Variants in ANKFN1 observed in about 807,000 individuals in gnomAD.
The protein encoded by ANKFN1 is ankyrin repeat and fibronectin type III domain containing 1, also known as ankyrin repeat and fibronectin type-III domain-containing protein 1.
In ANKFN1, 74 loss-of-function variants were observed where a neutral mutation model predicts 108.7. That is an observed-to-expected ratio of 0.68 (90% CI 0.56 to 0.83). The LOEUF (loss-of-function observed/expected upper bound fraction) is 0.83, where lower values mean the gene tolerates loss of function less well. Among genes scored for constraint, ANKFN1 ranks in the 40% least tolerant of loss-of-function variants. ANKFN1 has a pLI of 0.00. For missense variants in ANKFN1, 1,505 were observed against 1,382.3 expected (o/e 1.09, Z -1.41); for synonymous variants, 547 against 516.2 (o/e 1.06, Z -0.81).
At chr17:56,257,262 A>G (rs1313008565) in intron 3 of ANKFN1, among the ~76,000 whole-genome samples, 1 of 152,190 alleles carries the variant, frequency 6.6e-6, no homozygotes, top group African/African-American at 2.4e-5. Flanking sequence ...AAAAACCGAC[A>G]CTAGAGGGCT....
chr17:56,407,006 G>A (rs1046434356), intron 8 of ANKFN1, among the ~76,000 whole-genome samples: 1 of 152,012 alleles, frequency 6.6e-6, no homozygotes, highest in African/African-American at 2.4e-5. Context: ...TCTGGCATGG[G>A]GCCAGGTATA....
intron 4 of ANKFN1, among the ~76,000 whole-genome samples, chr17:56,057,359 G>T (rs1436798855): frequency 6.6e-6 from 1 of 152,102 alleles, no homozygotes; most frequent in Non-Finnish European, 1.5e-5. Flanking sequence ...ATCCTTTCCA[G>T]AAGACTTTTG....
chr17:56,490,278 T>C (rs568758344), intron 18 of ANKFN1, among the ~76,000 whole-genome samples: 1 of 152,310 alleles, frequency 6.6e-6, no homozygotes, highest in Admixed American at 6.5e-5. Context: ...TAGTTCCACC[T>C]GGCAGGGAGA....
chr17:56,504,380 C>A (rs1341484991), intron 20 of ANKFN1, among the ~76,000 whole-genome samples: 1 of 152,134 alleles, frequency 6.6e-6, no homozygotes, highest in African/African-American at 2.4e-5. Context: ...GAAATGAAAT[C>A]TCCTATCTCT....
At chr17:56,274,741 A>G (rs1203457221) in intron 3 of ANKFN1, among the ~76,000 whole-genome samples, 2 of 152,114 alleles carry the variant, frequency 1.3e-5, no homozygotes, top group East Asian at 3.9e-4. Context: ...TTTTTTGCAT[A>G]CAGCTGTGGT....
intron 3 of ANKFN1, among the ~76,000 whole-genome samples, chr17:56,255,393 C>G (rs1437392062): frequency 1.3e-5 from 2 of 152,144 alleles, no homozygotes; most frequent in South Asian, 2.1e-4. Flanking sequence ...CCAGCACAAT[C>G]CCCTAACCAC....
At chr17:56,430,500 CCACACACA>C (rs60148599) in intron 8 of ANKFN1, among the ~76,000 whole-genome samples, 66 of 144,180 alleles carry the variant, frequency 4.6e-4, no homozygotes, top group African/African-American at 1.3e-3. Flanking sequence ...GATGCTTTTA[CCACACACA>C]CACACACACA....
At chr17:56,494,179 G>A (rs2051124385) in intron 19 of ANKFN1, among the ~76,000 whole-genome samples, 1 of 152,108 alleles carries the variant, frequency 6.6e-6, no homozygotes, top group Non-Finnish European at 1.5e-5. Flanking sequence ...AAAATCTTTA[G>A]GATTATCCTA....
At chr17:56,434,393 A>AGAAG (rs550002460) in intron 8 of ANKFN1, among the ~76,000 whole-genome samples, 1 of 150,906 alleles carries the variant, frequency 6.6e-6, no homozygotes, top group African/African-American at 2.4e-5. Flanking sequence ...AAAAAAAAAA[A>AGAAG]AAGAAGAAGA....
chr17:56,120,885 A>T (rs936982544), intron 4 of ANKFN1, among the ~76,000 whole-genome samples: 26 of 152,300 alleles, frequency 1.7e-4, no homozygotes, highest in African/African-American at 5.1e-4. Flanking sequence ...TTTGATACCT[A>T]TAACCCTTGC....
chr17:56,262,643 G>A (rs1289546777), intron 3 of ANKFN1, among the ~76,000 whole-genome samples: 1 of 152,172 alleles, frequency 6.6e-6, no homozygotes, highest in East Asian at 1.9e-4. Flanking sequence ...AAATTCCTAC[G>A]AAGCAGACAT....
chr17:56,149,029 G>A (rs1299833664), upstream of ANKFN1, among the ~76,000 whole-genome samples: 1 of 152,160 alleles, frequency 6.6e-6, no homozygotes, highest in African/African-American at 2.4e-5. Context: ...GGGAGCAAAT[G>A]GCAGAGTCAA....
Position 56,169,336 on chromosome 17 carries a change from A to G in ANKFN1, c.-71+15806A>G, listed in dbSNP as rs374009382. Among the ~76,000 whole-genome samples, 7 of 152,274 alleles carry G rather than the reference A, an allele frequency of 4.6e-5. No individual in the cohort carries two copies. The South Asian group carries it at 1.5e-3, about 32-fold the overall frequency. ...GCCCAGGCTAGGGTGCAGTGGCACAATCATAGCTCACTATAACCCTGAACT... is the reference window on the plus strand; with the variant it reads ...GCCCAGGCTAGGGTGCAGTGGCACAGTCATAGCTCACTATAACCCTGAACT... On this transcript the variant is annotated intron_variant, in intron 1 of 20. Transcript: ENST00000682825.
intron 10 of ANKFN1, among the ~76,000 whole-genome samples, chr17:56,447,409 C>T (rs902804706): frequency 2.0e-5 from 3 of 152,128 alleles, no homozygotes; most frequent in Non-Finnish European, 4.4e-5. Flanking sequence ...AAGCTTCTGA[C>T]CTTCCTTCCC....
intron 3 of ANKFN1, among the ~76,000 whole-genome samples, chr17:56,250,269 T>C (rs372681119): frequency 6.6e-6 from 1 of 152,296 alleles, no homozygotes; most frequent in East Asian, 1.9e-4. Flanking sequence ...TTTTGTCCAC[T>C]TCAAAATGCA....
chr17:56,353,944 C>T lies in ANKFN1; in HGVS notation c.499C>T (p.Pro167Ser). Residue 167 changes from proline (P) to serine (S), a missense_variant, in exon 6 of 21, where the codon CCT (proline) becomes TCT (serine). Transcript: ENST00000682825. ...YTPEELDLNT[P>S]NSEGLTPLDI... ...ACCAGAAGAACTTGACCTCAACACA[C>T]CTAACAGCGAGGGCTTGACACCCCT... is the stretch of plus-strand genomic sequence containing the variant. The T allele has an allele frequency of 6.2e-7, 1 of 1,614,040 alleles. No individual in the cohort carries two copies.
chr17:56,408,173 G>T (rs2047979073), intron 8 of ANKFN1, among the ~76,000 whole-genome samples: 1 of 151,938 alleles, frequency 6.6e-6, no homozygotes, highest in Non-Finnish European at 1.5e-5. Context: ...AACCTCAGGG[G>T]ATCTGCCCAC....
chr17:56,501,788 A>C (rs1163657388), intron 20 of ANKFN1, among the ~76,000 whole-genome samples: 2 of 152,338 alleles, frequency 1.3e-5, no homozygotes, highest in East Asian at 3.9e-4. Context: ...AGGAACAACC[A>C]GAGAAAGAAG....
intron 2 of ANKFN1, among the ~76,000 whole-genome samples, chr17:56,221,677 A>T (rs956549687): frequency 6.6e-6 from 1 of 152,246 alleles, no homozygotes; most frequent in Non-Finnish European, 1.5e-5. Flanking sequence ...CTCTCCCAGC[A>T]TTCTGCAGAT....
Sources: allele counts gnomAD v4.1 joint callset (sites outside exome capture counted in the v4.1 genomes callset), GRCh38; gene constraint gnomAD v4.1.1; transcripts MANE v1.5; gene names NCBI Gene and HGNC (gene_info 2026-07-23, HGNC 2026-07-21).